Variants in GRID2 observed in about 807,000 individuals in gnomAD.
The protein encoded by GRID2 is glutamate ionotropic receptor delta type subunit 2.
Under a neutral mutation model 114.8 loss-of-function variants are expected in GRID2, and 33 were observed. The ratio of observed to expected loss-of-function variants is 0.29; its 90% CI spans 0.22 to 0.38. The LOEUF is 0.38. GRID2 is among the 10% of genes least tolerant of loss of function. The pLI, the probability that GRID2 is intolerant of heterozygous loss-of-function variation, is 1.00. For synonymous variants in GRID2, 505 were observed against 449.9 expected, an observed-to-expected ratio of 1.12 and a Z score of -1.55; for missense variants, 1,184 against 1,257.7, an observed-to-expected ratio of 0.94 and a Z score of 0.89.
intron 4 of GRID2, among the ~76,000 whole-genome samples, chr4:93,171,848 A>C (rs538745374): frequency 1.3e-5 from 2 of 152,342 alleles, no homozygotes; most frequent in African/African-American, 4.8e-5. Flanking sequence ...ACTCAAGTTC[A>C]TAGTTCTTTT....
intron 2 of GRID2, among the ~76,000 whole-genome samples, chr4:92,647,199 TGC>T (rs1731689519): frequency 2.6e-5 from 4 of 152,194 alleles, no homozygotes; most frequent in African/African-American, 9.6e-5. Context: ...TGATAGTGTC[TGC>T]TGATAGGGTT....
intron 13 of GRID2, among the ~76,000 whole-genome samples, chr4:93,524,514 A>C (rs1730639448): frequency 6.6e-6 from 1 of 151,872 alleles, no homozygotes; most frequent in South Asian, 2.1e-4. Context: ...GATTTTTTTA[A>C]ATTATTATTA....
At chr4:93,446,804 T>G (rs772152216) in intron 10 of GRID2, among the ~76,000 whole-genome samples, 1 of 151,960 alleles carries the variant, frequency 6.6e-6, no homozygotes, top group Non-Finnish European at 1.5e-5. Context: ...TCATGGACCA[T>G]CAACATGTGA....
chr4:92,815,671 G>T (rs1282826420), intron 2 of GRID2, among the ~76,000 whole-genome samples: 1 of 151,818 alleles, frequency 6.6e-6, no homozygotes, highest in African/African-American at 2.4e-5. Context: ...TCAATACTTT[G>T]GGAGGCTGAG....
chr4:93,785,821 G>A (rs567458603), intron 1 of GRID2, among the ~76,000 whole-genome samples: 2 of 152,256 alleles, frequency 1.3e-5, no homozygotes, highest in East Asian at 3.9e-4. Flanking sequence ...GTCCAGTCCA[G>A]TAGTAAAGAG....
chr4:93,180,564 T>A (rs927432471), intron 4 of GRID2, among the ~76,000 whole-genome samples: 3 of 152,164 alleles, frequency 2.0e-5, no homozygotes, highest in Non-Finnish European at 4.4e-5. Flanking sequence ...GCCATGCTAT[T>A]TGATAGCATT....
chr4:93,080,713 C>T (rs940710732), intron 2 of GRID2, among the ~76,000 whole-genome samples: 1 of 152,224 alleles, frequency 6.6e-6, no homozygotes, highest in East Asian at 1.9e-4. Flanking sequence ...GTTCCTTGGA[C>T]GTGGTTGAAA....
At chr4:92,584,813 C>T (rs1728350482) in intron 1 of GRID2, among the ~76,000 whole-genome samples, 1 of 151,928 alleles carries the variant, frequency 6.6e-6, no homozygotes, top group Admixed American at 6.6e-5. Flanking sequence ...GACATAGCTC[C>T]AAACTTGAAA....
intron 8 of GRID2, among the ~76,000 whole-genome samples, chr4:93,356,090 C>A (rs1178239347): frequency 2.0e-5 from 3 of 152,080 alleles, no homozygotes; most frequent in Admixed American, 2.0e-4. Context: ...TTAAAAATCA[C>A]ATAAAATCAT....
Position 92,978,077 on chromosome 4 carries a change from C to T in GRID2, c.245-106918C>T, listed in dbSNP as rs187440706. ...TATATAAGTAAGAGAAGGTGATTCA[C>T]GACCAATCCATAGGTATTTTGTAAT... On this transcript the variant is annotated intron_variant, in intron 2 of 15. Coordinates refer to ENST00000282020, the MANE Select transcript of GRID2 (RefSeq NM_001510.4). 1.6e-3 allele frequency among the ~76,000 whole-genome samples: 247 copies of T among 152,144 alleles called. 4 individuals are homozygous for T. The highest frequency in any genetic ancestry group is 2.6e-3 in the Non-Finnish European group (174 of 67,992).
At chr4:92,816,569 A>T (rs1740931659) in intron 2 of GRID2, among the ~76,000 whole-genome samples, 1 of 152,208 alleles carries the variant, frequency 6.6e-6, no homozygotes, top group Non-Finnish European at 1.5e-5. Flanking sequence ...TTGCAAATGA[A>T]GGTTAAATAT....
intron 4 of GRID2, among the ~76,000 whole-genome samples, chr4:93,170,429 A>G (rs999197885): frequency 4.6e-5 from 7 of 152,020 alleles, no homozygotes; most frequent in African/African-American, 7.3e-5. Context: ...AGTTGCAGCA[A>G]TGTCAGTCAT....
intron 3 of GRID2, among the ~76,000 whole-genome samples, chr4:93,098,193 T>C (rs1486603311): frequency 6.6e-6 from 1 of 152,004 alleles, no homozygotes; most frequent in African/African-American, 2.4e-5. Context: ...TATCATAATT[T>C]TTGCTTTTCA....
chr4:92,711,356 C>T (rs554113274), intron 2 of GRID2, among the ~76,000 whole-genome samples: 9 of 152,190 alleles, frequency 5.9e-5, no homozygotes, highest in African/African-American at 1.7e-4. Context: ...CACTGCAGTC[C>T]GACCTGGGGG....
At chr4:93,175,287 C>T (rs1739248523) in intron 4 of GRID2, among the ~76,000 whole-genome samples, 1 of 152,148 alleles carries the variant, frequency 6.6e-6, no homozygotes, top group African/African-American at 2.4e-5. Context: ...TCTCCTGCCT[C>T]AGCCTCCCCA....
chr4:93,031,068 G>A (rs1327821436), intron 2 of GRID2, among the ~76,000 whole-genome samples: 2 of 121,982 alleles, frequency 1.6e-5, no homozygotes, highest in Non-Finnish European at 3.2e-5. Flanking sequence ...ATGGAGTCTC[G>A]CTCTGTCGCC....
chr4:93,681,915 C>A (rs930964529), intron 14 of GRID2, among the ~76,000 whole-genome samples: 10 of 151,342 alleles, frequency 6.6e-5, no homozygotes, highest in South Asian at 2.1e-4. Flanking sequence ...GCAACAAAAG[C>A]CAAAATTGAC....
intron 11 of GRID2, among the ~76,000 whole-genome samples, chr4:93,466,459 A>G (rs1724280220): frequency 6.6e-6 from 1 of 152,182 alleles, no homozygotes; most frequent in Non-Finnish European, 1.5e-5. Flanking sequence ...CCTATGGGCA[A>G]AGAGTAGCAG....
chr4:92,970,366 G>T (rs1753429532), intron 2 of GRID2, among the ~76,000 whole-genome samples: 1 of 151,862 alleles, frequency 6.6e-6, no homozygotes, highest in Non-Finnish European at 1.5e-5. Context: ...ATAAATATCT[G>T]ATTTATTGTG....
Sources: allele counts gnomAD v4.1 joint callset (sites outside exome capture counted in the v4.1 genomes callset), GRCh38; gene constraint gnomAD v4.1.1; transcripts MANE v1.5; gene names NCBI Gene and HGNC (gene_info 2026-07-23, HGNC 2026-07-21).